ADGRV1: variants seen among roughly 807,000 people sequenced by gnomAD.
ADGRV1 encodes the protein G-protein coupled receptor 98.
ADGRV1 carries 359 observed loss-of-function variants against 596.2 expected under a neutral mutation model. The observed-to-expected ratio is 0.60, with a 90% CI of 0.55 to 0.66. The LOEUF is 0.66. Among genes scored for constraint, ADGRV1 ranks in the 30% least tolerant of loss-of-function variants. The pLI is 0.00. For synonymous variants in ADGRV1, 2,681 were observed against 2,679.2 expected, an observed-to-expected ratio of 1.00 and a Z score of -0.02; for missense variants, 7,274 against 7,575.6, an observed-to-expected ratio of 0.96 and a Z score of 1.48.
chr5:90,637,600 T>A, intron 10 of ADGRV1, 125 bp from the exon 11 acceptor site: 1 of 513,942 alleles, frequency 1.9e-6, no homozygotes, highest in Non-Finnish European at 3.2e-6. Context: ...AATAGTTCGC[T>A]TCTCTATATA....
Position 90,653,487 on chromosome 5 carries a change from G to C in ADGRV1, c.3913G>C (p.Val1305Leu). 6.2e-7 allele frequency: 1 copy of C among 1,613,858 alleles called. No homozygotes were observed. Among genetic ancestry groups the C allele is most frequent in the African/African-American group, 1.3e-5 (1 of 75,020 alleles). ...GLPPMIDFLL[V>L]GIFPTTVHLQ... Reference sequence around the variant, plus strand: ...GCCACCAATGATAGATTTTTTACTGGTTGGAATTTTCCCCACCACCGTGCA... The same window carrying C: ...GCCACCAATGATAGATTTTTTACTGCTTGGAATTTTCCCCACCACCGTGCA... The change falls in exon 20 of 90, where the codon GTT becomes CTT. Residue 1305 changes from valine to leucine, a missense_variant. Val to Leu is a conservative substitution (Grantham distance 32). This residue lies in a region of ADGRV1 where 1,715 missense variants were observed against 1,708.8 expected (regional missense o/e 1.00). Coordinates refer to ENST00000405460, the MANE Select transcript of ADGRV1 (RefSeq NM_032119.4).
chr5:90,903,236 G>A (rs917051722), intron 83 of ADGRV1, among the ~76,000 whole-genome samples: 2 of 151,962 alleles, frequency 1.3e-5, no homozygotes, highest in Non-Finnish European at 2.9e-5. Flanking sequence ...CCTAATCTTT[G>A]TTCTTTTTAA....
intron 77 of ADGRV1, among the ~76,000 whole-genome samples, chr5:90,833,642 G>A (rs1764706283): frequency 6.6e-6 from 1 of 152,032 alleles, no homozygotes; most frequent in African/African-American, 2.4e-5. Context: ...TAATTCTCAG[G>A]TATTTTATTT....
At position 91,031,151 on chromosome 5, in the gene ADGRV1, T is replaced by C. The variant is rs1784449713; in HGVS notation, c.18153-41296T>C. The C allele has an allele frequency of 6.6e-6, 9 of 1,370,986 alleles. No homozygotes were observed. In the Admixed American group the frequency reaches 1.6e-4, roughly 24 times the overall value. The allele number at this position is 1,370,986 out of a possible 1,614,324, so 84.9% of individuals were successfully genotyped here. ...AACAGAAACATCTGTAAGTAAGGTA[T>C]TAGAAAAATAATTGTCCACAACCAA... is the stretch of plus-strand genomic sequence containing the variant. On this transcript the variant is annotated intron_variant, in intron 85 of 89. Transcript: ENST00000405460.
intron 83 of ADGRV1, among the ~76,000 whole-genome samples, chr5:90,955,317 TTCTG>T (rs1777379337): frequency 6.6e-6 from 1 of 152,192 alleles, no homozygotes; most frequent in South Asian, 2.1e-4. Flanking sequence ...TTTTCTTGCT[TTCTG>T]TCTGAAAATA....
chr5:90,920,192 C>G (rs1486053121), intron 83 of ADGRV1, among the ~76,000 whole-genome samples: 2 of 152,028 alleles, frequency 1.3e-5, no homozygotes, highest in African/African-American at 4.8e-5. Context: ...TGAGGGCCCA[C>G]TTCCTGGTTT....
chr5:90,780,571 C>A (rs1472643972), intron 64 of ADGRV1, among the ~76,000 whole-genome samples: 1 of 152,138 alleles, frequency 6.6e-6, no homozygotes, highest in African/African-American at 2.4e-5. Flanking sequence ...AAAAAGACTT[C>A]TTTTGCAGAA....
At chr5:90,563,200 G>A (rs1755086728) in intron 1 of ADGRV1, among the ~76,000 whole-genome samples, 1 of 152,194 alleles carries the variant, frequency 6.6e-6, no homozygotes, top group Non-Finnish European at 1.5e-5. Flanking sequence ...ATTCTCTGAA[G>A]CACAAGGTCC....
intron 29 of ADGRV1, among the ~76,000 whole-genome samples, chr5:90,686,279 A>G (rs1400376586): frequency 6.6e-6 from 1 of 151,870 alleles, no homozygotes; most frequent in African/African-American, 2.4e-5. Context: ...TTAGTTACAT[A>G]TGTATACATG....
chr5:90,802,788 T>G lies in ADGRV1; in HGVS notation c.14567T>G (p.Met4856Arg), dbSNP rs565755832. Residue 4856 changes from methionine (M) to arginine (R), a missense_variant, in exon 71 of 90, where the codon ATG becomes AGG. Met to Arg is a moderately conservative substitution (Grantham distance 91). Coordinates refer to ENST00000405460, the MANE Select transcript of ADGRV1 (RefSeq NM_032119.4). The stretch of plus-strand genomic sequence containing the variant: ...TTCACTTTGCAACTGGTGACTGTGA[T>G]GCTTGTCGGTGGACGTTTCTATGGA... ...SNFTLQLVTV[M>R]LVGGRFYGMP... 12 of 1,613,274 alleles carry G rather than the reference T, an allele frequency of 7.4e-6. 1 individual carries two copies. The African/African-American group carries it at 8.0e-5, about 11-fold the overall frequency.
intron 4 of ADGRV1, 60 bp from the exon 5 acceptor site, chr5:90,622,537 T>TA: frequency 1.5e-6 from 1 of 658,198 alleles, no homozygotes; most frequent in Non-Finnish European, 2.3e-6. Flanking sequence ...TAATAGTTTT[T>TA]ACCGCCTCAT....
intron 29 of ADGRV1, among the ~76,000 whole-genome samples, chr5:90,689,000 C>A (rs1181426585): frequency 6.6e-6 from 1 of 152,158 alleles, no homozygotes; most frequent in East Asian, 1.9e-4. Flanking sequence ...AGACTGCCTA[C>A]TTTGATAGTG....
intron 84 of ADGRV1, among the ~76,000 whole-genome samples, chr5:90,966,783 A>G (rs1282113126): frequency 6.6e-6 from 1 of 152,156 alleles, no homozygotes; most frequent in African/African-American, 2.4e-5. Context: ...TAAAGAGGCT[A>G]AGAGAGGAGG....
At chr5:90,993,625 A>T (rs958633288) in intron 85 of ADGRV1, among the ~76,000 whole-genome samples, 1 of 152,142 alleles carries the variant, frequency 6.6e-6, no homozygotes, top group Non-Finnish European at 1.5e-5. Context: ...TCTCTTGAGT[A>T]TATGTCTAGG....
At chr5:91,160,621 C>T (rs1189474995) in intron 89 of ADGRV1, among the ~76,000 whole-genome samples, 2 of 152,136 alleles carry the variant, frequency 1.3e-5, no homozygotes, top group African/African-American at 2.4e-5. Flanking sequence ...TTATCACAGT[C>T]GCTGGATTTT....
At position 90,791,053 on chromosome 5, in the gene ADGRV1, G is replaced by T. The variant is rs372362723; in HGVS notation, c.14224G>T (p.Glu4742Ter). 1.2e-6 allele frequency: 2 copies of T among 1,613,884 alleles called. No individual in the cohort carries two copies. Among genetic ancestry groups the T allele is most frequent in the East Asian group, 4.5e-5 (2 of 44,868 alleles). Reference sequence around the variant, plus strand: ...GCTTGTTTCTGTAGAGGGAGGAGCCGAACTGGATCTGGAGAAGAGTATCAC... The same window carrying T: ...GCTTGTTTCTGTAGAGGGAGGAGCCTAACTGGATCTGGAGAAGAGTATCAC... The part of the protein sequence containing the change: ...IQLVSVEGGA[E>*]LDLEKSITWF... The change falls in exon 70 of 90, where the codon GAA becomes TAA. Residue 4742 changes from glutamate (E) to a stop codon, truncating the protein, a stop_gained. Coordinates refer to ENST00000405460, the MANE Select transcript of ADGRV1 (RefSeq NM_032119.4). LOFTEE classifies it high-confidence loss of function.
intron 1 of ADGRV1, among the ~76,000 whole-genome samples, chr5:90,611,975 G>T (rs768446952): frequency 1.3e-5 from 2 of 151,828 alleles, no homozygotes; most frequent in African/African-American, 2.4e-5. Context: ...AACTTTGCCC[G>T]AACAACTTTT....
chr5:90,816,740 CTCA>C (rs1283033572), intron 75 of ADGRV1, among the ~76,000 whole-genome samples: 3 of 151,954 alleles, frequency 2.0e-5, no homozygotes, highest in African/African-American at 7.2e-5. Flanking sequence ...AGGACATGAA[CTCA>C]TCATTTTTTA....
At chr5:90,856,623 T>G (rs891009417) in intron 82 of ADGRV1, among the ~76,000 whole-genome samples, 1 of 152,160 alleles carries the variant, frequency 6.6e-6, no homozygotes, top group South Asian at 2.1e-4. Context: ...ACTTTTTCTA[T>G]GAACAAGGTG....
Sources: allele counts gnomAD v4.1 joint callset (sites outside exome capture counted in the v4.1 genomes callset), GRCh38; gene constraint gnomAD v4.1.1; regional missense constraint gnomAD v4.1.1; transcripts MANE v1.5; gene names NCBI Gene and HGNC (gene_info 2026-07-23, HGNC 2026-07-21).